Variants in SPCS2 observed in about 807,000 individuals in gnomAD.
SPCS2 encodes the protein signal peptidase complex subunit 2, also known as SPase 25 kDa subunit.
Under a neutral mutation model 22.3 loss-of-function variants are expected in SPCS2, and 3 were observed. The ratio of observed to expected loss-of-function variants is 0.13; its 90% CI spans 0.06 to 0.35. The LOEUF (loss-of-function observed/expected upper bound fraction) is 0.35, where lower values mean the gene tolerates loss of function less well. SPCS2 is among the 10% of genes least tolerant of loss of function. The pLI is 1.00. For missense variants in SPCS2, 169 were observed against 280.9 expected, an observed-to-expected ratio of 0.60 and a Z score of 2.85; for synonymous variants, 67 against 97.2, an observed-to-expected ratio of 0.69 and a Z score of 1.83.
chr11:74,967,888 C>G (rs1254930316), intron 3 of SPCS2, among the ~76,000 whole-genome samples: 1 of 152,176 alleles, frequency 6.6e-6, no homozygotes, highest in East Asian at 1.9e-4. Context: ...GAGCTGAGAT[C>G]ATGCCACTGT....
intron 1 of SPCS2, among the ~76,000 whole-genome samples, chr11:74,957,818 T>A (rs1440622456): frequency 6.6e-6 from 1 of 152,190 alleles, no homozygotes; most frequent in African/African-American, 2.4e-5. Context: ...ATTGCAAAGG[T>A]AAGAAATTCA....
intron 1 of SPCS2, among the ~76,000 whole-genome samples, chr11:74,960,146 C>G (rs1370046983): frequency 6.6e-6 from 1 of 152,112 alleles, no homozygotes; most frequent in African/African-American, 2.4e-5. Context: ...GCCTGGCCAA[C>G]ATGGTGAAAC....
At chr11:74,975,922 G>T (rs1326293307) in intron 4 of SPCS2, among the ~76,000 whole-genome samples, 3 of 152,218 alleles carry the variant, frequency 2.0e-5, no homozygotes, top group African/African-American at 7.2e-5. Flanking sequence ...GGGGATGTCA[G>T]CCTACCAGTA....
intron 2 of SPCS2, 52 bp from the exon 3 acceptor site, chr11:74,965,711 A>T: frequency 6.8e-7 from 1 of 1,464,826 alleles, no homozygotes; most frequent in Admixed American, 1.8e-5. Flanking sequence ...ATAAAAGCAC[A>T]TACTGGGGAG....
chr11:74,951,702 C>A (rs1238673280), intron 1 of SPCS2, among the ~76,000 whole-genome samples: 1 of 150,130 alleles, frequency 6.7e-6, no homozygotes, highest in African/African-American at 2.5e-5. Flanking sequence ...CCCACCTACT[C>A]GGGAGGCTGA....
In SPCS2 at chr11:74,977,744, G is replaced by T. The variant is rs1455992310; in HGVS notation, c.*701G>T. On this transcript the variant is annotated 3_prime_UTR_variant, in exon 5 of 5. Coordinates refer to ENST00000263672, the MANE Select transcript of SPCS2 (RefSeq NM_014752.3). ...AAGGAAGGAAGATGTGAAAAAAATG[G>T]AGTCATAGTTTTGATGGAGAGAACA... 1 of 152,540 alleles carries T rather than the reference G, an allele frequency of 6.6e-6. No individual in the cohort carries two copies. Among genetic ancestry groups the T allele is most frequent in the African/African-American group, 2.4e-5 (1 of 41,434 alleles). 9.4% of individuals were successfully genotyped at this position (152,540 alleles called of 1,614,324 possible). A position where few individuals can be genotyped will look rare whatever the true frequency, so the allele number is the denominator to read the frequency against.
At chr11:74,953,847 T>C (rs774647398) in intron 1 of SPCS2, among the ~76,000 whole-genome samples, 1 of 152,250 alleles carries the variant, frequency 6.6e-6, no homozygotes, top group Non-Finnish European at 1.5e-5. Context: ...GTTTTGGCTA[T>C]TAAAGTTGAT....
chr11:74,975,087 A>G (rs774601878), intron 4 of SPCS2, among the ~76,000 whole-genome samples: 3 of 152,080 alleles, frequency 2.0e-5, no homozygotes, highest in African/African-American at 7.2e-5. Flanking sequence ...AAGTCCATAC[A>G]TGTCTATTCT....
intron 4 of SPCS2, among the ~76,000 whole-genome samples, chr11:74,972,213 A>G (rs1948588794): frequency 6.6e-6 from 1 of 151,922 alleles, no homozygotes; most frequent in African/African-American, 2.4e-5. Flanking sequence ...TTACGGACCC[A>G]CGACCACACC....
At chr11:74,976,527 C>A (rs1372103556) in intron 4 of SPCS2, among the ~76,000 whole-genome samples, 1 of 152,170 alleles carries the variant, frequency 6.6e-6, no homozygotes, top group Non-Finnish European at 1.5e-5. Context: ...GGAGAAGAGT[C>A]TGCGAGGAAA....
rs1035132685 is a variant in SPCS2, at chr11:74,977,589, C to T, written c.*546C>T. ...TTTGAAACAGACTTTCTGCCTGTTA[C>T]ATTTTTGCTTTTAACCAATTAAAGA... On this transcript the variant is annotated 3_prime_UTR_variant, in exon 5 of 5. Transcript: ENST00000263672. The T allele has an allele frequency of 6.6e-6, 1 of 152,568 alleles. No individual in the cohort carries two copies. The highest frequency in any genetic ancestry group is 1.5e-5 in the Non-Finnish European group (1 of 68,032). 9.5% of individuals were successfully genotyped at this position (152,568 alleles called of 1,614,324 possible).
intron 1 of SPCS2, among the ~76,000 whole-genome samples, chr11:74,964,470 A>G (rs1374437336): frequency 2.0e-5 from 3 of 152,238 alleles, no homozygotes; most frequent in Non-Finnish European, 4.4e-5. Context: ...TGGAATTGCT[A>G]TCTTAAAGTT....
chr11:74,955,887 T>TCTGC (rs1555115678), intron 1 of SPCS2, among the ~76,000 whole-genome samples: 16 of 132,786 alleles, frequency 1.2e-4, no homozygotes, highest in Admixed American at 2.3e-4. Context: ...TATATATATA[T>TCTGC]CTGCCTGCCT....
intron 1 of SPCS2, among the ~76,000 whole-genome samples, chr11:74,949,894 T>C (rs1948344972): frequency 6.6e-6 from 1 of 152,182 alleles, no homozygotes; most frequent in Non-Finnish European, 1.5e-5. Flanking sequence ...ACTGAAAATA[T>C]TTGAGTATTG....
intron 1 of SPCS2, among the ~76,000 whole-genome samples, chr11:74,960,596 T>G (rs536341694): frequency 2.5e-5 from 3 of 118,446 alleles, no homozygotes; most frequent in East Asian, 2.0e-4. Context: ...ATCTCTTTGT[T>G]TCCTGTTCTT....
chr11:74,964,896 T>G (rs1191848061), intron 1 of SPCS2, 138 bp from the exon 2 acceptor site: 8 of 604,344 alleles, frequency 1.3e-5, no homozygotes, highest in Non-Finnish European at 2.3e-5. Context: ...TAGCCTGTTT[T>G]GTCTTTTAGT....
rs190332961 is a variant in SPCS2 at position 74,979,011 on chromosome 11, A to G, written c.*1968A>G. 1.1e-4 allele frequency: 16 copies of G among 152,350 alleles called. No individual in the cohort carries two copies. The East Asian group carries it at 3.1e-3, about 29-fold the overall frequency. 9.4% of individuals were successfully genotyped at this position (152,350 alleles called of 1,614,324 possible). A position where few individuals can be genotyped will look rare whatever the true frequency, so the allele number is the denominator to read the frequency against. ...TGTGTGTGTGTATAATGCAGCTATT[A>G]AAAATGAGTCTGAGGCCAGGCATGG... On this transcript the variant is annotated 3_prime_UTR_variant, in exon 5 of 5. Coordinates refer to ENST00000263672, the MANE Select transcript of SPCS2 (RefSeq NM_014752.3).
Position 74,976,949 on chromosome 11 carries a change from T to A in SPCS2, c.587T>A (p.Phe196Tyr). ...EAEFTKSIAK[F>Y]FDHSGTLVMD... The stretch of plus-strand genomic sequence containing the variant: ...GAGTTCACAAAGTCCATTGCTAAGT[T>A]TTTTGACCACAGTGGGACACTGGTC... Residue 196 changes from phenylalanine (F) to tyrosine (Y), a missense_variant, in exon 5 of 5, where the codon TTT becomes TAT. This residue lies in a region of SPCS2 where 118 missense variants were observed against 243.1 expected (regional missense o/e 0.49). Coordinates refer to ENST00000263672, the MANE Select transcript of SPCS2 (RefSeq NM_014752.3). 1 of 1,612,428 alleles carries A rather than the reference T, an allele frequency of 6.2e-7. No individual in the cohort carries two copies. The highest frequency in any genetic ancestry group is 8.5e-7 in the Non-Finnish European group (1 of 1,178,926).
rs531826135 is a variant in SPCS2 at position 74,964,257 on chromosome 11, A to G, written c.115-777A>G. Reference sequence around the variant, plus strand: ...GTTGAATTCAGGGTGCTAAGTTGGCATTCGTAGGTGCTGTAACATTTTGAA... The same window carrying G: ...GTTGAATTCAGGGTGCTAAGTTGGCGTTCGTAGGTGCTGTAACATTTTGAA... On this transcript the variant is annotated intron_variant, in intron 1 of 4. Transcript: ENST00000263672. Among the ~76,000 whole-genome samples the G allele has an allele frequency of 1.3e-3, 205 of 152,344 alleles. 1 individual carries two copies. Among genetic ancestry groups the G allele is most frequent in the African/African-American group, 4.8e-3 (198 of 41,584 alleles).
Sources: allele counts gnomAD v4.1 joint callset (sites outside exome capture counted in the v4.1 genomes callset), GRCh38; gene constraint gnomAD v4.1.1; regional missense constraint gnomAD v4.1.1; transcripts MANE v1.5; gene names NCBI Gene and HGNC (gene_info 2026-07-23, HGNC 2026-07-21).